The following DGKB variants were observed in gnomAD, a reference collection of about 807,000 sequenced individuals.
DGKB encodes 90 kDa diacylglycerol kinase.
DGKB carries 67 observed loss-of-function variants against 114.3 expected under a neutral mutation model. The ratio of observed to expected loss-of-function variants is 0.59; its 90% CI spans 0.48 to 0.72. The LOEUF is 0.72. Ranked by LOEUF, DGKB falls within the 30% of genes least tolerant of loss-of-function variation. The pLI, the probability that DGKB is intolerant of heterozygous loss-of-function variation, is 0.00. For synonymous variants in DGKB, 398 were observed against 323.1 expected (o/e 1.23, Z -2.49); for missense variants, 907 against 975.2 (o/e 0.93, Z 0.93).
chr7:14,165,650 T>C (rs1784516227), intron 25 of DGKB, among the ~76,000 whole-genome samples: 1 of 152,224 alleles, frequency 6.6e-6, no homozygotes, highest in East Asian at 1.9e-4. Flanking sequence ...GATTCCATTA[T>C]ATTTTCCAAT....
At chr7:14,199,080 T>G (rs1157467603) in intron 23 of DGKB, among the ~76,000 whole-genome samples, 1 of 151,982 alleles carries the variant, frequency 6.6e-6, no homozygotes, top group Non-Finnish European at 1.5e-5. Flanking sequence ...TGACCTTAGA[T>G]TGTGATTAAA....
At chr7:14,845,106 C>CAAAAAAAAAAAAA (rs59367496) in intron 1 of DGKB, among the ~76,000 whole-genome samples, 5 of 89,244 alleles carry the variant, frequency 5.6e-5, no homozygotes, top group Admixed American at 1.2e-4. Flanking sequence ...GGCCCTGTGT[C>CAAAAAAAAAAAAA]AAAAAAAAAA....
intron 13 of DGKB, among the ~76,000 whole-genome samples, chr7:14,643,713 C>T (rs1415055643): frequency 6.6e-6 from 1 of 152,162 alleles, no homozygotes; most frequent in Admixed American, 6.5e-5. Flanking sequence ...TATCTGCCGT[C>T]ACCAACAGTG....
chr7:14,309,042 C>G (rs1804938453), intron 23 of DGKB, among the ~76,000 whole-genome samples: 1 of 152,014 alleles, frequency 6.6e-6, no homozygotes, highest in Non-Finnish European at 1.5e-5. Context: ...ATGGTAAGGC[C>G]TCATCTTACA....
chr7:14,650,037 A>G (rs1490871620), intron 13 of DGKB, among the ~76,000 whole-genome samples: 1 of 152,002 alleles, frequency 6.6e-6, no homozygotes, highest in Non-Finnish European at 1.5e-5. Context: ...ACTCCCACGC[A>G]TTAATAAAGG....
At chr7:14,897,118 A>G (rs1188197686) in intron 1 of DGKB, among the ~76,000 whole-genome samples, 1 of 151,890 alleles carries the variant, frequency 6.6e-6, no homozygotes, top group Non-Finnish European at 1.5e-5. Context: ...GTGGATTAGA[A>G]AGAAGACTAA....
chr7:14,258,399 T>G (rs1343783990), intron 23 of DGKB, among the ~76,000 whole-genome samples: 1 of 152,216 alleles, frequency 6.6e-6, no homozygotes, highest in Non-Finnish European at 1.5e-5. Context: ...GATTAAACAC[T>G]TTTTAGATTT....
At chr7:14,974,169 A>C (rs1404368329) in intron 1 of DGKB, among the ~76,000 whole-genome samples, 1 of 152,034 alleles carries the variant, frequency 6.6e-6, no homozygotes, top group Non-Finnish European at 1.5e-5. Context: ...AACAAGTACA[A>C]AATTGAGCAT....
chr7:14,363,350 A>C (rs1423528205), intron 21 of DGKB, among the ~76,000 whole-genome samples: 1 of 152,190 alleles, frequency 6.6e-6, no homozygotes, highest in Non-Finnish European at 1.5e-5. Flanking sequence ...CATATTGTAT[A>C]GCAGAAAAGA....
At chr7:14,166,030 G>C (rs1013294074) in intron 25 of DGKB, among the ~76,000 whole-genome samples, 1 of 152,108 alleles carries the variant, frequency 6.6e-6, no homozygotes, top group African/African-American at 2.4e-5. Context: ...AACAGTCCCG[G>C]TTCTATAACT....
intron 21 of DGKB, among the ~76,000 whole-genome samples, chr7:14,398,160 C>T (rs191188791): frequency 6.6e-6 from 1 of 151,932 alleles, no homozygotes; most frequent in Non-Finnish European, 1.5e-5. Context: ...TGAATGATTT[C>T]GATCAATGGT....
chr7:14,326,088 A>G (rs1393894958), intron 23 of DGKB, among the ~76,000 whole-genome samples: 1 of 148,632 alleles, frequency 6.7e-6, no homozygotes, highest in Non-Finnish European at 1.5e-5. Flanking sequence ...TTTTTTAACC[A>G]TACAACTTAT....
At chr7:14,629,265 C>T (rs1809224363) in intron 14 of DGKB, among the ~76,000 whole-genome samples, 1 of 152,014 alleles carries the variant, frequency 6.6e-6, no homozygotes, top group Non-Finnish European at 1.5e-5. Context: ...GTCACCAACT[C>T]ACTTAAAGAA....
chr7:14,345,448 T>A (rs990868381), intron 21 of DGKB, 57 bp from the exon 22 acceptor site: 3 of 878,896 alleles, frequency 3.4e-6, no homozygotes, highest in African/African-American at 1.7e-5. Flanking sequence ...AGGGATCTTT[T>A]AAAAAATGGT....
intron 23 of DGKB, among the ~76,000 whole-genome samples, chr7:14,295,507 T>A (rs996333771): frequency 6.6e-6 from 1 of 152,118 alleles, no homozygotes; most frequent in African/African-American, 2.4e-5. Flanking sequence ...GTACTTTAAA[T>A]CTTTCCTTAT....
chr7:14,645,889 G>C lies in DGKB; in HGVS notation c.1135-15621C>G, dbSNP rs138166835. Among the ~76,000 whole-genome samples, 588 of 152,110 alleles carry C rather than the reference G, an allele frequency of 3.9e-3. 1 individual carries two copies. The highest frequency in any genetic ancestry group is 6.8e-3 in the Non-Finnish European group (464 of 67,980). On this transcript the variant is annotated intron_variant, in intron 13 of 25. Coordinates refer to ENST00000402815, the MANE Select transcript of DGKB (RefSeq NM_001350709.2). Reference sequence around the variant, plus strand: ...TATCTGCCATTATGATAACAAATGAGAAAGACAAGGAATGAAATGTTATTT... The same window carrying C: ...TATCTGCCATTATGATAACAAATGACAAAGACAAGGAATGAAATGTTATTT...
intron 1 of DGKB, among the ~76,000 whole-genome samples, chr7:14,880,816 T>G (rs181710487): frequency 1.1e-4 from 17 of 152,328 alleles, no homozygotes; most frequent in South Asian, 2.1e-4. Context: ...GATTTATATT[T>G]GCTTATACAA....
At chr7:14,571,194 G>C (rs1798329410) in intron 20 of DGKB, among the ~76,000 whole-genome samples, 1 of 152,212 alleles carries the variant, frequency 6.6e-6, no homozygotes. Context: ...CTGAGCCTCA[G>C]ATAAGAACTC....
intron 21 of DGKB, among the ~76,000 whole-genome samples, chr7:14,390,384 T>C (rs564447897): frequency 6.6e-6 from 1 of 152,322 alleles, no homozygotes; most frequent in Admixed American, 6.5e-5. Context: ...AATGCAGTTT[T>C]TGAGGGTTTT....
Sources: allele counts gnomAD v4.1 joint callset (sites outside exome capture counted in the v4.1 genomes callset), GRCh38; gene constraint gnomAD v4.1.1; transcripts MANE v1.5; gene names NCBI Gene and HGNC (gene_info 2026-07-23, HGNC 2026-07-21).